ANK3: variants seen among roughly 807,000 people sequenced by gnomAD.
ANK3 encodes the protein ankyrin 3.
ANK3 carries 57 observed loss-of-function variants against 370.9 expected under a neutral mutation model. The ratio of observed to expected loss-of-function variants is 0.15; its 90% CI spans 0.12 to 0.19. The LOEUF (loss-of-function observed/expected upper bound fraction) is 0.19. Ranked by LOEUF, ANK3 falls within the 10% of genes least tolerant of loss-of-function variation. The pLI is 1.00. For missense variants in ANK3, 4,439 were observed against 5,302.1 expected, an observed-to-expected ratio of 0.84 and a Z score of 5.06; for synonymous variants, 1,929 against 1,946.3, an observed-to-expected ratio of 0.99 and a Z score of 0.23.
chr10:60,407,855 C>T lies in ANK3; in HGVS notation c.97-128216G>A, dbSNP rs190740795. ...CCCTTTGAAGCAATGCAAAATGATG[C>T]TACACTTTTCTATTATGTTTGCCCC... On this transcript the variant is annotated intron_variant, in intron 2 of 43. Coordinates refer to the ANK3 transcript ENST00000373827. Among the ~76,000 whole-genome samples, 65 of 152,282 alleles carry T rather than the reference C, an allele frequency of 4.3e-4. No homozygotes were observed. The South Asian group carries it at 4.4e-3, about 10-fold the overall frequency.
At chr10:60,557,604 T>C (rs961053687) in intron 2 of ANK3, among the ~76,000 whole-genome samples, 3 of 152,164 alleles carry the variant, frequency 2.0e-5, no homozygotes, top group East Asian at 1.9e-4. Flanking sequence ...CTAAACTGTA[T>C]ATTTAAATAT....
At chr10:60,573,672 G>A (rs1468990320) in intron 2 of ANK3, among the ~76,000 whole-genome samples, 1 of 152,178 alleles carries the variant, frequency 6.6e-6, no homozygotes, top group Non-Finnish European at 1.5e-5. Context: ...TTACTATTAT[G>A]AGCTGTCATT....
At chr10:60,700,325 T>A (rs2079529477) in intron 1 of ANK3, among the ~76,000 whole-genome samples, 1 of 152,196 alleles carries the variant, frequency 6.6e-6, no homozygotes, top group Non-Finnish European at 1.5e-5. Flanking sequence ...AATTAAAGTG[T>A]TCACATAATT....
At chr10:60,040,712 A>C (rs2075937520) in intron 43 of ANK3, among the ~76,000 whole-genome samples, 1 of 152,186 alleles carries the variant, frequency 6.6e-6, no homozygotes, top group African/African-American at 2.4e-5. Flanking sequence ...TTTTGGTGTC[A>C]TTTATTCACA....
chr10:60,506,388 C>T (rs10509134), intron 2 of ANK3, among the ~76,000 whole-genome samples: 58,522 of 151,852 alleles, frequency 0.39, 11,598 homozygotes, highest in Middle Eastern at 0.42. Context: ...TGGCTATTTC[C>T]GAACTTCTAT....
Position 60,075,576 on chromosome 10 carries a change from T to G in ANK3, c.5305A>C (p.Thr1769Pro). 1 of 1,614,100 alleles carries G rather than the reference T, an allele frequency of 6.2e-7. No homozygotes were observed. Among genetic ancestry groups the G allele is most frequent in the East Asian group, 2.2e-5 (1 of 44,874 alleles). The change falls in exon 37 of 44, where the codon ACC becomes CCC. Residue 1769 changes from threonine (T) to proline (P), a missense_variant. Transcript: ENST00000280772. ...GGGGAAAATGGCATTGCAGTCGTGG[T>G]AGAAAACACTTTCTCAACTGTGTCA... ...ATDTVEKVFS[T>P]TTAMPFSPLR...
intron 36 of ANK3, among the ~76,000 whole-genome samples, chr10:60,079,794 G>T (rs763214448): frequency 4.7e-4 from 72 of 152,214 alleles, no homozygotes; most frequent in Admixed American, 5.9e-4. Context: ...TGATTACAAG[G>T]ATGATGGAAG....
intron 1 of ANK3, among the ~76,000 whole-genome samples, chr10:60,329,693 G>A (rs1404459416): frequency 2.0e-5 from 3 of 152,162 alleles, no homozygotes; most frequent in Admixed American, 2.0e-4. Flanking sequence ...TCAATATTGT[G>A]AAAATGGCCA....
At chr10:60,536,416 C>A (rs972504188) in intron 2 of ANK3, among the ~76,000 whole-genome samples, 1 of 151,978 alleles carries the variant, frequency 6.6e-6, no homozygotes, top group Non-Finnish European at 1.5e-5. Context: ...TAGAGAAATG[C>A]CACCTGAAAT....
chr10:60,529,974 G>C (rs2076566417), intron 2 of ANK3, among the ~76,000 whole-genome samples: 1 of 152,180 alleles, frequency 6.6e-6, no homozygotes, highest in Admixed American at 6.5e-5. Context: ...CATTAAAAAG[G>C]AATTGGGATT....
intron 4 of ANK3, among the ~76,000 whole-genome samples, chr10:60,271,427 G>A (rs896023816): frequency 6.6e-6 from 1 of 151,918 alleles, no homozygotes; most frequent in Admixed American, 6.6e-5. Flanking sequence ...GCATGGGCTT[G>A]AACTCCTGAG....
chr10:60,270,024 A>G (rs2097944852), intron 5 of ANK3, 107 bp downstream of exon 5: 1 of 590,740 alleles, frequency 1.7e-6, no homozygotes, highest in Admixed American at 3.1e-5. Context: ...CCACACATTA[A>G]TATAAAACTT....
chr10:60,280,520 T>C (rs1403659861), intron 1 of ANK3, among the ~76,000 whole-genome samples: 2 of 152,210 alleles, frequency 1.3e-5, no homozygotes, highest in East Asian at 1.9e-4. Flanking sequence ...GCTTGCAACA[T>C]TGAACTACTG....
intron 1 of ANK3, among the ~76,000 whole-genome samples, chr10:60,663,132 AAAG>A (rs1425135933): frequency 6.6e-6 from 1 of 152,240 alleles, no homozygotes; most frequent in Non-Finnish European, 1.5e-5. Flanking sequence ...CTAGCTATGC[AAAG>A]AACACACATT....
intron 2 of ANK3, among the ~76,000 whole-genome samples, chr10:60,457,682 C>A (rs1335746822): frequency 6.6e-6 from 1 of 152,022 alleles, no homozygotes; most frequent in East Asian, 1.9e-4. Flanking sequence ...GTGAAAATGA[C>A]AGGAAAAGAG....
At chr10:60,706,158 C>T (rs763644602) in intron 1 of ANK3, among the ~76,000 whole-genome samples, 2 of 152,192 alleles carry the variant, frequency 1.3e-5, no homozygotes, top group Non-Finnish European at 2.9e-5. Context: ...TTTTCTGATT[C>T]TCTCTTGACA....
intron 23 of ANK3, among the ~76,000 whole-genome samples, chr10:60,146,787 A>G (rs147374939): frequency 6.6e-6 from 1 of 152,296 alleles, no homozygotes; most frequent in African/African-American, 2.4e-5. Flanking sequence ...GCAAAGATTT[A>G]TATCTCATTC....
intron 2 of ANK3, among the ~76,000 whole-genome samples, chr10:60,497,532 G>A (rs570666684): frequency 1.4e-4 from 21 of 152,276 alleles, no homozygotes; most frequent in African/African-American, 5.1e-4. Flanking sequence ...CAAAATGCTG[G>A]AGGAAATTCA....
chr10:60,352,259 G>A (rs574423960), intron 1 of ANK3, among the ~76,000 whole-genome samples: 2 of 152,290 alleles, frequency 1.3e-5, no homozygotes, highest in South Asian at 4.1e-4. Flanking sequence ...TCACGCCACT[G>A]TACTCCATCC....
Sources: allele counts gnomAD v4.1 joint callset (sites outside exome capture counted in the v4.1 genomes callset), GRCh38; gene constraint gnomAD v4.1.1; transcripts MANE v1.5; gene names NCBI Gene and HGNC (gene_info 2026-07-23, HGNC 2026-07-21).